The following LDLRAD3 variants were observed in gnomAD, a reference collection of about 807,000 sequenced individuals.
The protein encoded by LDLRAD3 is low density lipoprotein receptor class A domain containing 3, also known as low-density lipoprotein receptor class A domain-containing protein 3.
A neutral mutation model predicts 29.4 loss-of-function variants in LDLRAD3; 20 were observed. The observed-to-expected ratio is 0.68, with a 90% CI of 0.48 to 0.99. LDLRAD3 has a LOEUF of 0.99. Ranked by LOEUF, LDLRAD3 falls within the 50% of genes least tolerant of loss-of-function variation. The pLI is 0.00. For synonymous variants in LDLRAD3, 157 were observed against 192.7 expected (o/e 0.81, Z 1.53); for missense variants, 420 against 454.3 (o/e 0.92, Z 0.69).
intron 4 of LDLRAD3, among the ~76,000 whole-genome samples, chr11:36,110,478 TCTCTGCAAGTTTG>T (rs1328244057): frequency 6.6e-6 from 1 of 152,110 alleles, no homozygotes; most frequent in Non-Finnish European, 1.5e-5. Context: ...GCTTGCTGTC[TCTCTGCAAGTTTG>T]CTCTGCAAGT....
intron 1 of LDLRAD3, among the ~76,000 whole-genome samples, chr11:35,963,073 G>T (rs1851297278): frequency 6.6e-6 from 1 of 152,180 alleles, no homozygotes; most frequent in Non-Finnish European, 1.5e-5. Context: ...GAGGGAGGAA[G>T]GCCAGGCCAC....
rs1326836194 is a variant in LDLRAD3 at position 36,226,037 on chromosome 11, A to G, written c.455-1048A>G. On this transcript the variant is annotated intron_variant, in intron 4 of 5. Coordinates refer to ENST00000315571, the MANE Select transcript of LDLRAD3 (RefSeq NM_174902.4). ...CACCGAGATTGTGCCACTGCACTCC[A>G]GCCTGGGTGACAGAGCGAGACCCTG... Among the ~76,000 whole-genome samples the G allele has an allele frequency of 2.0e-5, 3 of 151,934 alleles. No individual in the cohort carries two copies. In the East Asian group the frequency reaches 5.8e-4, roughly 29 times the overall value.
rs1447365195 is a variant in LDLRAD3 at position 35,993,938 on chromosome 11, T to C, written c.47-42165T>C. On this transcript the variant is annotated intron_variant, in intron 1 of 5. Transcript: ENST00000315571. ...ATATTTGCTTCTCCAGGAAGGACGT[T>C]TTCCCACGTTATTTTAAAGGACTCA... 2.0e-5 allele frequency among the ~76,000 whole-genome samples: 3 copies of C among 152,198 alleles called. 1 individual carries two copies. The highest frequency in any genetic ancestry group is 4.1e-4 in the South Asian group (2 of 4,838).
At chr11:35,971,293 G>A (rs908284121) in intron 1 of LDLRAD3, among the ~76,000 whole-genome samples, 3 of 152,186 alleles carry the variant, frequency 2.0e-5, no homozygotes, top group Non-Finnish European at 2.9e-5. Flanking sequence ...ATTGAGGGGA[G>A]TGACATGACC....
chr11:36,083,980 G>A (rs1853158570), intron 3 of LDLRAD3, among the ~76,000 whole-genome samples: 1 of 151,928 alleles, frequency 6.6e-6, no homozygotes, highest in Non-Finnish European at 1.5e-5. Flanking sequence ...GTGCAGTGGT[G>A]CCATCACAGC....
At chr11:36,156,776 A>T (rs1157834066) in intron 4 of LDLRAD3, among the ~76,000 whole-genome samples, 1 of 152,192 alleles carries the variant, frequency 6.6e-6, no homozygotes, top group East Asian at 1.9e-4. Context: ...ATGGTTTCAG[A>T]GATTTTTAGC....
intron 1 of LDLRAD3, among the ~76,000 whole-genome samples, chr11:36,031,680 GA>G (rs1156714024): frequency 6.6e-6 from 1 of 152,184 alleles, no homozygotes; most frequent in East Asian, 1.9e-4. Context: ...TGGGTTAAAG[GA>G]AAACAGGACA....
chr11:36,178,550 C>T (rs115483080), intron 4 of LDLRAD3, among the ~76,000 whole-genome samples: 149 of 152,384 alleles, frequency 9.8e-4, no homozygotes, highest in African/African-American at 3.4e-3. Flanking sequence ...CCATGGCATT[C>T]AGAGCCGTGC....
chr11:36,191,620 A>G (rs201520978), intron 4 of LDLRAD3, among the ~76,000 whole-genome samples: 9,948 of 84,578 alleles, frequency 0.12, 641 homozygotes, highest in East Asian at 0.28. Context: ...ACACACACAC[A>G]CACGCACGCA....
intron 1 of LDLRAD3, among the ~76,000 whole-genome samples, chr11:36,016,496 C>T (rs1459035009): frequency 1.3e-5 from 2 of 152,110 alleles, no homozygotes; most frequent in Non-Finnish European, 2.9e-5. Context: ...GTTAAAGGAA[C>T]AAATCTTTCT....
intron 1 of LDLRAD3, among the ~76,000 whole-genome samples, chr11:36,022,460 G>A (rs1326943895): frequency 6.6e-6 from 1 of 152,006 alleles, no homozygotes; most frequent in East Asian, 1.9e-4. Context: ...TTTCTTGTGT[G>A]AGTGATACAC....
intron 4 of LDLRAD3, among the ~76,000 whole-genome samples, chr11:36,100,535 G>A (rs1022743011): frequency 1.3e-5 from 2 of 152,196 alleles, no homozygotes; most frequent in African/African-American, 4.8e-5. Context: ...TGCCTCCCGG[G>A]TTCAAGCGAT....
intron 2 of LDLRAD3, among the ~76,000 whole-genome samples, chr11:36,061,906 T>C (rs748378187): frequency 5.3e-5 from 8 of 152,178 alleles, no homozygotes; most frequent in Non-Finnish European, 1.2e-4. Context: ...TATTAATTGT[T>C]ACTGGATAAA....
At chr11:36,164,125 A>G (rs1045744090) in intron 4 of LDLRAD3, among the ~76,000 whole-genome samples, 2 of 152,178 alleles carry the variant, frequency 1.3e-5, no homozygotes, top group African/African-American at 4.8e-5. Flanking sequence ...GTCACACAGG[A>G]GCTGATATCA....
intron 4 of LDLRAD3, among the ~76,000 whole-genome samples, chr11:36,174,791 C>T (rs1318607507): frequency 6.6e-6 from 1 of 152,120 alleles, no homozygotes; most frequent in Non-Finnish European, 1.5e-5. Context: ...ACCATCCTGG[C>T]TAACATGATG....
chr11:36,224,833 T>C (rs1855478157), intron 4 of LDLRAD3, among the ~76,000 whole-genome samples: 1 of 152,226 alleles, frequency 6.6e-6, no homozygotes, highest in African/African-American at 2.4e-5. Context: ...TTTGTGGTTT[T>C]TTGAAGGAGA....
At chr11:36,061,023 C>G (rs1463342158) in intron 2 of LDLRAD3, among the ~76,000 whole-genome samples, 2 of 152,196 alleles carry the variant, frequency 1.3e-5, no homozygotes, top group African/African-American at 4.8e-5. Context: ...TCATTCCTGC[C>G]TCACAGTTTT....
chr11:36,014,753 T>C (rs1349609960), intron 1 of LDLRAD3, among the ~76,000 whole-genome samples: 1 of 152,224 alleles, frequency 6.6e-6, no homozygotes, highest in Non-Finnish European at 1.5e-5. Context: ...CAGGCAGAAA[T>C]CAGCATTCAG....
intron 1 of LDLRAD3, 63 bp from the exon 2 acceptor site, chr11:36,036,040 G>A: frequency 6.4e-7 from 1 of 1,550,852 alleles, no homozygotes; most frequent in Non-Finnish European, 8.8e-7. Flanking sequence ...ACACCTTTCA[G>A]TTGAGGGGCG....
Sources: gnomAD v4.1 joint callset for allele counts (sites outside exome capture counted in the v4.1 genomes callset) on GRCh38, gnomAD v4.1.1 for gene constraint, MANE v1.5 for transcripts, NCBI Gene and HGNC (gene_info 2026-07-23, HGNC 2026-07-21) for gene names.